Variants in SMARCAD1 observed in about 807,000 individuals in gnomAD.
SMARCAD1 encodes SNF2 related chromatin remodeling ATPase with DExD box 1, also known as SWI/SNF-related matrix-associated actin-dependent regulator of chromatin subfamily A containing DEAD/H box 1.
Under a neutral mutation model 127.1 loss-of-function variants are expected in SMARCAD1, and 25 were observed. The ratio of observed to expected loss-of-function variants is 0.20; its 90% confidence interval spans 0.14 to 0.27. The LOEUF (loss-of-function observed/expected upper bound fraction) is 0.27, where lower values mean the gene tolerates loss of function less well. Ranked by LOEUF, SMARCAD1 falls within the 10% of genes least tolerant of loss-of-function variation. The pLI is 1.00. For synonymous variants in SMARCAD1, 400 were observed against 396.9 expected (o/e 1.01, Z -0.09); for missense variants, 807 against 1,206.0 (o/e 0.67, Z 4.90).
chr4:94,244,436 C>A (rs997600058), intron 6 of SMARCAD1, among the ~76,000 whole-genome samples: 3 of 152,166 alleles, frequency 2.0e-5, no homozygotes, highest in Non-Finnish European at 4.4e-5. Flanking sequence ...GTGTTAAATT[C>A]TTGGTTTTGA....
Position 94,290,453 on chromosome 4 carries a change from A to C in SMARCAD1, c.*919A>C, listed in dbSNP as rs1475704049. Reference sequence around the variant, plus strand: ...CTGGCAGAACAGATTACTTAAAGCTATTTCATTTCAAAGCAGACTGAATGT... The same window carrying C: ...CTGGCAGAACAGATTACTTAAAGCTCTTTCATTTCAAAGCAGACTGAATGT... On this transcript the variant is annotated 3_prime_UTR_variant, in exon 24 of 24. Transcript: ENST00000354268. 2.2e-6 allele frequency: 1 copy of C among 454,516 alleles called. No homozygotes were observed. Among genetic ancestry groups the C allele is most frequent in the African/African-American group, 2.0e-5 (1 of 50,112 alleles). 28.2% of individuals were successfully genotyped at this position (454,516 alleles called of 1,614,324 possible).
chr4:94,252,174 G>A (rs1481289213), intron 8 of SMARCAD1, among the ~76,000 whole-genome samples: 1 of 152,106 alleles, frequency 6.6e-6, no homozygotes, highest in Non-Finnish European at 1.5e-5. Context: ...TTTAAGTAAC[G>A]ATGCAACTTA....
At chr4:94,263,072 T>C (rs1751252785) in intron 9 of SMARCAD1, among the ~76,000 whole-genome samples, 1 of 152,094 alleles carries the variant, frequency 6.6e-6, no homozygotes, top group South Asian at 2.1e-4. Context: ...CTTAGTTTTT[T>C]CATCTAGATT....
Position 94,276,350 on chromosome 4 carries a change from C to T in SMARCAD1, c.1820C>T (p.Ala607Val), listed in dbSNP as rs1440635478. The change falls in exon 15 of 24, where the codon GCG becomes GTG. Residue 607 changes from alanine to valine, a missense_variant. By Grantham distance (64) the Ala-to-Val change is moderately conservative. Transcript: ENST00000354268. The stretch of plus-strand genomic sequence containing the variant: ...TCTTTTGGTGACAGATATAACTGTG[C>T]GATCAGCAGTTCTGATGACCGTAGT... ...YNVIVTTYNC[A>V]ISSSDDRSLF... is the part of the protein sequence containing the mutation. 6.2e-7 allele frequency: 1 copy of T among 1,613,960 alleles called. No homozygotes were observed. The highest frequency in any genetic ancestry group is 8.5e-7 in the Non-Finnish European group (1 of 1,179,964).
At position 94,239,562 on chromosome 4, in the gene SMARCAD1, G is replaced by GTTT. The variant is rs5860361; in HGVS notation, c.605-1331_605-1329dup. 9.7e-3 allele frequency among the ~76,000 whole-genome samples: 1,386 copies of GTTT among 142,640 alleles called. 12 individuals are homozygous for GTTT. Among genetic ancestry groups the GTTT allele is most frequent in the Middle Eastern group, 0.055 (15 of 274 alleles). The allele number at this position is 142,640 out of a possible 152,430, so 93.6% of individuals were successfully genotyped here. Reference sequence around the variant, plus strand: ...GGAGTCTCTCTAGCTGCCCTGTTGTGTTTTTTTTTTTTTTTAATTTTTTAT... The same window carrying GTTT: ...GGAGTCTCTCTAGCTGCCCTGTTGTGTTTTTTTTTTTTTTTTTTAATTTTTTAT... On this transcript the variant is annotated intron_variant, in intron 5 of 23. Transcript: ENST00000354268.
chr4:94,213,831 G>T (rs558030498), intron 2 of SMARCAD1, among the ~76,000 whole-genome samples: 2 of 152,166 alleles, frequency 1.3e-5, no homozygotes, highest in Non-Finnish European at 2.9e-5. Flanking sequence ...TCCTATTTTA[G>T]TACCAAGGTA....
chr4:94,234,173 A>T (rs1371466621), intron 4 of SMARCAD1, 51 bp downstream of exon 4: 1 of 1,488,988 alleles, frequency 6.7e-7, no homozygotes, highest in African/African-American at 1.4e-5. Context: ...TCTCTCCTGC[A>T]TTCAGTGCTA....
chr4:94,216,868 T>C (rs1425557609), intron 2 of SMARCAD1, among the ~76,000 whole-genome samples: 2 of 152,254 alleles, frequency 1.3e-5, no homozygotes, highest in Non-Finnish European at 2.9e-5. Flanking sequence ...CTTGGCTGTT[T>C]GAATTGTATT....
chr4:94,215,077 G>A (rs961191050), intron 2 of SMARCAD1, among the ~76,000 whole-genome samples: 2 of 152,128 alleles, frequency 1.3e-5, no homozygotes, highest in Admixed American at 6.5e-5. Context: ...TCCTTTGAAT[G>A]ATGATACTGA....
chr4:94,270,753 G>C lies in SMARCAD1; in HGVS notation c.1507G>C (p.Val503Leu), dbSNP rs1205474418. 1 of 1,613,440 alleles carries C rather than the reference G, an allele frequency of 6.2e-7. No homozygotes were observed. The highest frequency in any genetic ancestry group is 8.5e-7 in the Non-Finnish European group (1 of 1,179,648). The change falls in exon 11 of 24, where the codon GTT becomes CTT. Residue 503 changes from valine (V) to leucine (L), a missense_variant. By Grantham distance (32) the Val-to-Leu change is conservative (BLOSUM62 1). Around this residue, in one of 8 missense-constraint regions of SMARCAD1, gnomAD observed 148 missense variants for 313.2 expected, o/e 0.47. Transcript: ENST00000354268. ...QSLSLKPYQK[V>L]GLNWLALVHK... ...TTTGTCACTCAAGCCCTATCAGAAG[G>C]TTGGTTTGAATTGGCTGGCATTGGT...
chr4:94,235,378 C>T (rs1021234906), intron 4 of SMARCAD1, among the ~76,000 whole-genome samples: 13 of 151,306 alleles, frequency 8.6e-5, no homozygotes, highest in African/African-American at 3.2e-4. Context: ...CCTTTTAATG[C>T]TAACTAATTT....
chr4:94,283,659 A>G (rs969313862), intron 22 of SMARCAD1, among the ~76,000 whole-genome samples: 1 of 152,112 alleles, frequency 6.6e-6, no homozygotes, highest in East Asian at 1.9e-4. Flanking sequence ...CCCCGTCTCT[A>G]TTAAAAATAC....
chr4:94,220,852 T>A (rs763240575), intron 2 of SMARCAD1, among the ~76,000 whole-genome samples: 1 of 152,350 alleles, frequency 6.6e-6, no homozygotes, highest in Non-Finnish European at 1.5e-5. Flanking sequence ...TTATTAAATC[T>A]CAACTTAGGA....
At chr4:94,248,984 G>A (rs1324946197) in intron 6 of SMARCAD1, among the ~76,000 whole-genome samples, 1 of 152,120 alleles carries the variant, frequency 6.6e-6, no homozygotes, top group Non-Finnish European at 1.5e-5. Context: ...TTTTTCCTAT[G>A]CATGAACACA....
intron 2 of SMARCAD1, among the ~76,000 whole-genome samples, chr4:94,209,403 C>G (rs1741824174): frequency 6.6e-6 from 1 of 152,018 alleles, no homozygotes; most frequent in African/African-American, 2.4e-5. Context: ...CAGTATGATT[C>G]CTGAGCATAA....
intron 22 of SMARCAD1, among the ~76,000 whole-genome samples, chr4:94,284,341 A>G (rs1454593816): frequency 2.9e-5 from 3 of 104,284 alleles, no homozygotes; most frequent in Admixed American, 1.1e-4. Context: ...AAAAAAAAAA[A>G]AAAAAAAAAA....
intron 5 of SMARCAD1, among the ~76,000 whole-genome samples, chr4:94,240,051 G>GC (rs1278737150): frequency 2.0e-5 from 3 of 151,980 alleles, no homozygotes; most frequent in African/African-American, 7.3e-5. Flanking sequence ...TTTTGTAATA[G>GC]CCATGTTAAT....
At chr4:94,262,787 GT>G (rs1220071763) in intron 9 of SMARCAD1, among the ~76,000 whole-genome samples, 1 of 151,664 alleles carries the variant, frequency 6.6e-6, no homozygotes, top group Non-Finnish European at 1.5e-5. Context: ...TATACCAGAG[GT>G]TATGCTTGAA....
chr4:94,240,424 A>G (rs1747402067), intron 5 of SMARCAD1, among the ~76,000 whole-genome samples: 1 of 152,226 alleles, frequency 6.6e-6, no homozygotes, highest in Non-Finnish European at 1.5e-5. Flanking sequence ...TGAAATAAAA[A>G]TGTTACCTAC....
Sources: allele counts gnomAD v4.1 joint callset (sites outside exome capture counted in the v4.1 genomes callset), GRCh38; gene constraint gnomAD v4.1.1; regional missense constraint gnomAD v4.1.1; transcripts MANE v1.5; gene names NCBI Gene and HGNC (gene_info 2026-07-23, HGNC 2026-07-21).